MINDY4: variants seen among roughly 807,000 people sequenced by gnomAD.
MINDY4 encodes MINDY lysine 48 deubiquitinase 4.
A neutral mutation model predicts 87.0 loss-of-function variants in MINDY4; 68 were observed. The observed-to-expected ratio is 0.78, with a 90% CI of 0.64 to 0.96. The LOEUF (loss-of-function observed/expected upper bound fraction) is 0.96. MINDY4 is among the 40% of genes least tolerant of loss of function. The probability of loss-of-function intolerance (pLI) is 0.00; values close to 1 mark genes in which losing one functional copy is unlikely to be tolerated. For synonymous variants in MINDY4, 379 were observed against 363.2 expected (o/e 1.04, Z -0.50); for missense variants, 919 against 928.2 (o/e 0.99, Z 0.13).
At chr7:30,875,693 C>A (rs768363241) in intron 15 of MINDY4, 37 bp downstream of exon 15, 1 of 1,571,676 alleles carries the variant, frequency 6.4e-7, no homozygotes, top group Admixed American at 1.8e-5. Context: ...AGTAGGGGAG[C>A]CTGACTCTCT....
At chr7:30,816,149 G>T (rs533568764) in intron 5 of MINDY4, among the ~76,000 whole-genome samples, 2 of 151,802 alleles carry the variant, frequency 1.3e-5, no homozygotes, top group East Asian at 3.9e-4. Context: ...TCAGCTTCCA[G>T]AGGGAGCATC....
intron 3 of MINDY4, among the ~76,000 whole-genome samples, 166 bp downstream of exon 3, chr7:30,782,378 A>G (rs1324158888): frequency 2.0e-5 from 3 of 151,280 alleles, no homozygotes; most frequent in African/African-American, 4.9e-5. Flanking sequence ...GTGTGCATGT[A>G]TCTATATGCA....
At chr7:30,864,166 C>G (rs1353847489) in intron 13 of MINDY4, among the ~76,000 whole-genome samples, 2 of 152,264 alleles carry the variant, frequency 1.3e-5, no homozygotes, top group African/African-American at 4.8e-5. Flanking sequence ...GAGGTGGTAG[C>G]TTCTCATTTG....
chr7:30,818,445 C>G (rs1207175477), intron 5 of MINDY4, among the ~76,000 whole-genome samples: 1 of 152,160 alleles, frequency 6.6e-6, no homozygotes, highest in East Asian at 1.9e-4. Flanking sequence ...ATTCCTAGTA[C>G]TTGATGTATT....
In MINDY4 at chr7:30,882,857, C is replaced by T. The variant is rs945915366; in HGVS notation, c.2153-64C>T. Reference sequence around the variant, plus strand: ...GGGGGCGGGTCTCGGGAGTGGTCAGCGCTGACCTCAGGGTGAGTGCAGGGC... The same window carrying T: ...GGGGGCGGGTCTCGGGAGTGGTCAGTGCTGACCTCAGGGTGAGTGCAGGGC... On this transcript the variant is annotated intron_variant, in intron 16 of 17. Coordinates refer to ENST00000265299, the MANE Select transcript of MINDY4 (RefSeq NM_032222.3). The T allele has an allele frequency of 1.7e-5, 26 of 1,511,206 alleles. No individual in the cohort carries two copies. In the Admixed American group the frequency reaches 2.9e-4, roughly 17 times the overall value. The allele number at this position is 1,511,206 out of a possible 1,614,324, so 93.6% of individuals were successfully genotyped here.
chr7:30,831,474 G>C (rs1466177025), intron 6 of MINDY4, among the ~76,000 whole-genome samples: 4 of 152,190 alleles, frequency 2.6e-5, no homozygotes, highest in African/African-American at 9.7e-5. Context: ...ACATATTCCT[G>C]TAACAGTGGA....
At position 30,832,798 on chromosome 7, in the gene MINDY4, G is replaced by A. The variant is rs532422899; in HGVS notation, c.1133-3860G>A. 1.6e-3 allele frequency among the ~76,000 whole-genome samples: 246 copies of A among 152,170 alleles called. 1 individual carries two copies. The highest frequency in any genetic ancestry group is 4.6e-3 in the African/African-American group (192 of 41,528). ...GTTGGGATTACAGGCATGAGCCACC[G>A]TGCCTGGCCCCCTTCCCTCCCTTTT... On this transcript the variant is annotated intron_variant, in intron 6 of 17. Transcript: ENST00000265299.
chr7:30,883,086 G>C, intron 17 of MINDY4, 93 bp downstream of exon 17: 1 of 1,241,260 alleles, frequency 8.1e-7, no homozygotes, highest in Non-Finnish European at 1.2e-6. Context: ...AAGGCAGATA[G>C]GTTCCTGGAC....
intron 12 of MINDY4, among the ~76,000 whole-genome samples, chr7:30,855,478 G>T (rs1045737910): frequency 2.0e-5 from 3 of 152,232 alleles, no homozygotes; most frequent in Non-Finnish European, 4.4e-5. Flanking sequence ...CCCAGCTGAA[G>T]CAGAACGTGG....
At chr7:30,816,431 G>A (rs1329677495) in intron 5 of MINDY4, among the ~76,000 whole-genome samples, 4 of 152,156 alleles carry the variant, frequency 2.6e-5, no homozygotes, top group Non-Finnish European at 2.9e-5. Context: ...TGTGAAGGAC[G>A]TGTGCCAAGG....
intron 13 of MINDY4, among the ~76,000 whole-genome samples, chr7:30,871,797 T>G (rs2128578425): frequency 6.6e-6 from 1 of 152,282 alleles, no homozygotes; most frequent in Non-Finnish European, 1.5e-5. Context: ...ACTCTATAAC[T>G]CAAGGAAACA....
At chr7:30,828,821 G>C (rs1425271320) in intron 6 of MINDY4, 84 bp downstream of exon 6, 8 of 1,427,572 alleles carry the variant, frequency 5.6e-6, no homozygotes, top group Admixed American at 3.4e-5. Context: ...GGGTGGTCGG[G>C]GGCCCCTTTC....
rs753289582 is a variant in MINDY4, at chr7:30,853,398, C to T, written c.1616C>T (p.Thr539Met). The T allele has an allele frequency of 1.6e-5, 26 of 1,613,206 alleles. No homozygotes were observed. The highest frequency in any genetic ancestry group is 2.7e-5 in the African/African-American group (2 of 74,932). The change falls in exon 12 of 18, where the codon ACG becomes ATG. Residue 539 changes from threonine (T) to methionine (M), a missense_variant. Physicochemically the swap from Thr to Met is moderately conservative, Grantham distance 81. Coordinates refer to ENST00000265299, the MANE Select transcript of MINDY4 (RefSeq NM_032222.3). ...YKADGVLETL[T>M]LHSLTCYEDL... ...TGAGTGTTTGTGTCTTCTCAGCTTA[C>T]GCTTCACAGTTTGACCTGCTATGAG... is the stretch of plus-strand genomic sequence containing the variant.
chr7:30,806,485 T>A (rs900021074), intron 5 of MINDY4, among the ~76,000 whole-genome samples: 5 of 149,902 alleles, frequency 3.3e-5, no homozygotes, highest in Admixed American at 1.3e-4. Flanking sequence ...AACACCCATT[T>A]AAAAAAAAAA....
At chr7:30,782,762 G>A (rs1169549419) in intron 3 of MINDY4, among the ~76,000 whole-genome samples, 2 of 152,102 alleles carry the variant, frequency 1.3e-5, no homozygotes, top group Non-Finnish European at 2.9e-5. Flanking sequence ...GTAAGGGCTG[G>A]CAAGTCTGAA....
intron 13 of MINDY4, among the ~76,000 whole-genome samples, chr7:30,859,845 C>T (rs1789696132): frequency 6.6e-6 from 1 of 152,172 alleles, no homozygotes. Flanking sequence ...TCTCCCCTGC[C>T]TGACCCCTTT....
At chr7:30,818,368 G>A (rs955206860) in intron 5 of MINDY4, among the ~76,000 whole-genome samples, 2 of 152,080 alleles carry the variant, frequency 1.3e-5, no homozygotes, top group Admixed American at 6.5e-5. Context: ...TAGAATCAAG[G>A]TTGTGGTAAC....
intron 3 of MINDY4, among the ~76,000 whole-genome samples, chr7:30,784,814 A>C (rs1374374635): frequency 6.6e-6 from 1 of 151,994 alleles, no homozygotes; most frequent in Admixed American, 6.6e-5. Context: ...CCTCTGCCTG[A>C]CATGCCACAA....
chr7:30,777,193 G>T (rs1173440640), intron 1 of MINDY4, among the ~76,000 whole-genome samples: 1 of 151,964 alleles, frequency 6.6e-6, no homozygotes, highest in Non-Finnish European at 1.5e-5. Flanking sequence ...GTTTTCAAAT[G>T]CTGGTGTGCA....
Sources: gnomAD v4.1 joint callset for allele counts (sites outside exome capture counted in the v4.1 genomes callset) on GRCh38, gnomAD v4.1.1 for gene constraint, MANE v1.5 for transcripts, NCBI Gene and HGNC (gene_info 2026-07-23, HGNC 2026-07-21) for gene names.